TMEM266: variants seen among roughly 807,000 people sequenced by gnomAD.
TMEM266 encodes Hv1 related protein 1.
TMEM266 carries 33 observed loss-of-function variants against 50.5 expected under a neutral mutation model. That is an observed-to-expected ratio of 0.65 (90% confidence interval 0.50 to 0.87). TMEM266 has a LOEUF of 0.87. TMEM266 is among the 40% of genes least tolerant of loss of function. TMEM266 has a pLI of 0.00. For missense variants in TMEM266, 655 were observed against 695.1 expected, an observed-to-expected ratio of 0.94 and a Z score of 0.65; for synonymous variants, 310 against 292.3, an observed-to-expected ratio of 1.06 and a Z score of -0.62.
chr15:76,148,234 AG>A (rs951060656), intron 3 of TMEM266, among the ~76,000 whole-genome samples: 1 of 152,180 alleles, frequency 6.6e-6, no homozygotes, highest in Non-Finnish European at 1.5e-5. Flanking sequence ...ATGGAATGGG[AG>A]TCCCCAGTCA....
chr15:76,170,388 T>TTGGCTCAGTGCTGGGATC (rs2038168936), intron 6 of TMEM266, among the ~76,000 whole-genome samples: 1 of 152,170 alleles, frequency 6.6e-6, no homozygotes, highest in Non-Finnish European at 1.5e-5. Context: ...TTCAGCCTCT[T>TTGGCTCAGTGCTGGGATC]TGGCTCAGTG....
intron 1 of TMEM266, among the ~76,000 whole-genome samples, chr15:76,091,969 A>C (rs2036854644): frequency 6.6e-6 from 1 of 151,924 alleles, no homozygotes; most frequent in East Asian, 1.9e-4. Flanking sequence ...ACAGCCTGGC[A>C]ACAGAGCAAG....
chr15:76,141,114 A>C (rs2037669415), intron 3 of TMEM266, among the ~76,000 whole-genome samples: 2 of 152,170 alleles, frequency 1.3e-5, no homozygotes. Context: ...GGCTGGCAGC[A>C]CTGGGCTTCC....
chr15:76,173,248 AGGTGCAGAGGCTGTG>A (rs1156335451), intron 7 of TMEM266, among the ~76,000 whole-genome samples: 1 of 152,082 alleles, frequency 6.6e-6, no homozygotes, highest in Admixed American at 6.5e-5. Context: ...AAACATCTGG[AGGTGCAGAGGCTGTG>A]GGTGGAAAGG....
intron 3 of TMEM266, among the ~76,000 whole-genome samples, chr15:76,152,244 A>T (rs574015080): frequency 5.3e-5 from 8 of 152,310 alleles, no homozygotes; most frequent in African/African-American, 1.9e-4. Flanking sequence ...ACAGAGCAAG[A>T]TGCAAGTGGT....
chr15:76,107,213 G>A (rs1364715931), intron 1 of TMEM266, among the ~76,000 whole-genome samples: 2 of 152,110 alleles, frequency 1.3e-5, no homozygotes, highest in Non-Finnish European at 2.9e-5. Flanking sequence ...GTAATCAATA[G>A]AAAATATTGT....
chr15:76,109,979 A>G (rs547273775), intron 1 of TMEM266, among the ~76,000 whole-genome samples: 13 of 151,326 alleles, frequency 8.6e-5, no homozygotes, highest in Non-Finnish European at 1.6e-4. Context: ...TGTTTGAGTT[A>G]AAAGTCAATT....
At chr15:76,117,024 T>C (rs893399042) in intron 1 of TMEM266, among the ~76,000 whole-genome samples, 1 of 151,720 alleles carries the variant, frequency 6.6e-6, no homozygotes, top group African/African-American at 2.4e-5. Context: ...CTCAGCCTCC[T>C]GAATAGCTGG....
intron 1 of TMEM266, among the ~76,000 whole-genome samples, chr15:76,096,615 A>G (rs1285563243): frequency 1.3e-5 from 2 of 152,026 alleles, no homozygotes; most frequent in East Asian, 1.9e-4. Context: ...GTAGATGTCT[A>G]TTAGGTCCAC....
intron 1 of TMEM266, among the ~76,000 whole-genome samples, chr15:76,063,517 G>C (rs2141978875): frequency 6.6e-6 from 1 of 152,198 alleles, no homozygotes; most frequent in South Asian, 2.1e-4. Context: ...TATCTTCATA[G>C]TCCCTCGCCT....
intron 1 of TMEM266, among the ~76,000 whole-genome samples, chr15:76,132,483 C>T (rs2037524887): frequency 6.6e-6 from 1 of 152,034 alleles, no homozygotes; most frequent in Admixed American, 6.6e-5. Flanking sequence ...CAGACTATGC[C>T]CTTTTAATTT....
At chr15:76,150,349 T>A (rs1259467023) in intron 3 of TMEM266, among the ~76,000 whole-genome samples, 2 of 152,074 alleles carry the variant, frequency 1.3e-5, no homozygotes, top group African/African-American at 4.8e-5. Context: ...CAGCTTCCAG[T>A]CTCATTTTGA....
intron 1 of TMEM266, among the ~76,000 whole-genome samples, chr15:76,110,779 A>G (rs1400915965): frequency 6.6e-6 from 1 of 152,240 alleles, no homozygotes; most frequent in African/African-American, 2.4e-5. Context: ...AGGAATTCCT[A>G]AAACTCAACA....
intron 1 of TMEM266, among the ~76,000 whole-genome samples, chr15:76,060,278 C>G (rs936148649): frequency 6.6e-6 from 1 of 151,930 alleles, no homozygotes; most frequent in Non-Finnish European, 1.5e-5. Context: ...TGCCCTGGTT[C>G]GGGTCCAGCT....
intron 1 of TMEM266, among the ~76,000 whole-genome samples, chr15:76,090,207 G>T (rs1288742401): frequency 1.3e-5 from 2 of 152,044 alleles, no homozygotes; most frequent in Non-Finnish European, 2.9e-5. Context: ...AGATTGGGAA[G>T]AGAGCCGGGC....
At chr15:76,103,444 A>G (rs906974376) in intron 1 of TMEM266, among the ~76,000 whole-genome samples, 4 of 150,532 alleles carry the variant, frequency 2.7e-5, no homozygotes, top group African/African-American at 9.8e-5. Flanking sequence ...AGGCTGCAGT[A>G]AGCCATGATC....
chr15:76,099,702 A>G (rs1202756703), intron 1 of TMEM266, among the ~76,000 whole-genome samples: 2 of 152,160 alleles, frequency 1.3e-5, no homozygotes, highest in Non-Finnish European at 2.9e-5. Flanking sequence ...TCCTGCCTTC[A>G]TGGGAGAGGC....
rs144134431 is a variant in TMEM266 at position 76,173,009 on chromosome 15, G to A, written c.652+1878G>A. Among the ~76,000 whole-genome samples, 6 of 152,240 alleles carry A rather than the reference G, an allele frequency of 3.9e-5. No individual in the cohort carries two copies. In the East Asian group the frequency reaches 9.7e-4, roughly 25 times the overall value. The stretch of plus-strand genomic sequence containing the variant: ...CTTTTCCTGACACATCAGGCATCAC[G>A]GAGCTACCGGGAGCCTCAGGAGAGA... On this transcript the variant is annotated intron_variant, in intron 7 of 10. Coordinates refer to ENST00000388942, the MANE Select transcript of TMEM266 (RefSeq NM_152335.3).
intron 9 of TMEM266, among the ~76,000 whole-genome samples, chr15:76,199,694 C>T (rs1006584261): frequency 6.6e-6 from 1 of 152,160 alleles, no homozygotes; most frequent in Non-Finnish European, 1.5e-5. Context: ...GGCCTTTTAG[C>T]ACAGGGGCAG....
Sources: gnomAD v4.1 joint callset for allele counts (sites outside exome capture counted in the v4.1 genomes callset) on GRCh38, gnomAD v4.1.1 for gene constraint, MANE v1.5 for transcripts, NCBI Gene and HGNC (gene_info 2026-07-23, HGNC 2026-07-21) for gene names.